The following HERPUD2 variants were observed in gnomAD, a reference collection of about 807,000 sequenced individuals.
The protein encoded by HERPUD2 is HERPUD family member 2, also known as homocysteine-responsive endoplasmic reticulum-resident ubiquitin-like domain member 2 protein.
Under a neutral mutation model 49.9 loss-of-function variants are expected in HERPUD2, and 13 were observed. The observed-to-expected ratio is 0.26, with a 90% confidence interval of 0.17 to 0.41. The LOEUF (loss-of-function observed/expected upper bound fraction) is 0.41. HERPUD2 is among the 10% of genes least tolerant of loss of function. HERPUD2 has a pLI of 1.00. For missense variants in HERPUD2, 449 were observed against 492.2 expected, an observed-to-expected ratio of 0.91 and a Z score of 0.83; for synonymous variants, 172 against 171.4, an observed-to-expected ratio of 1.00 and a Z score of -0.03.
chr7:35,636,268 T>C (rs919644402), intron 6 of HERPUD2, among the ~76,000 whole-genome samples: 1 of 152,236 alleles, frequency 6.6e-6, no homozygotes, highest in Non-Finnish European at 1.5e-5. Flanking sequence ...TTTTAAATTT[T>C]TCTACAATAA....
At chr7:35,668,047 G>C (rs868521467) in intron 4 of HERPUD2, among the ~76,000 whole-genome samples, 3 of 147,686 alleles carry the variant, frequency 2.0e-5, no homozygotes, top group African/African-American at 7.4e-5. Flanking sequence ...TTAACATATT[G>C]ATTTAAAGTA....
At chr7:35,668,577 G>A (rs1392019479) in intron 4 of HERPUD2, 1 of 154,528 alleles carries the variant, frequency 6.5e-6, no homozygotes, top group African/African-American at 2.4e-5. Flanking sequence ...ATGTCTTTTT[G>A]CATGACTCCC....
intron 5 of HERPUD2, among the ~76,000 whole-genome samples, chr7:35,655,325 C>T (rs765041786): frequency 1.3e-5 from 2 of 152,160 alleles, no homozygotes; most frequent in Non-Finnish European, 2.9e-5. Flanking sequence ...AAATCCTCAA[C>T]AAAATACAGC....
In HERPUD2 at chr7:35,644,610, A is replaced by C. The variant is rs142061293; in HGVS notation, c.495-6138T>G. On this transcript the variant is annotated intron_variant, in intron 5 of 8. Transcript: ENST00000311350. Reference sequence around the variant, plus strand: ...TGGTGAAACCCCATCTCTACTAAAAATACAAAAATTAGCCAGTGTGGAGAC... The same window carrying C: ...TGGTGAAACCCCATCTCTACTAAAACTACAAAAATTAGCCAGTGTGGAGAC... Among the ~76,000 whole-genome samples, 1,036 of 152,166 alleles carry C rather than the reference A, an allele frequency of 6.8e-3. 11 individuals are homozygous for C. Among genetic ancestry groups the C allele is most frequent in the African/African-American group, 0.024 (987 of 41,512 alleles).
chr7:35,690,527 A>G (rs1171745549), intron 2 of HERPUD2, among the ~76,000 whole-genome samples: 1 of 152,278 alleles, frequency 6.6e-6, no homozygotes, highest in Non-Finnish European at 1.5e-5. Flanking sequence ...AGAATAGTTA[A>G]GGCCGGGAGT....
intron 4 of HERPUD2, among the ~76,000 whole-genome samples, chr7:35,667,882 A>G (rs1417597391): frequency 6.6e-6 from 1 of 152,214 alleles, no homozygotes; most frequent in African/African-American, 2.4e-5. Flanking sequence ...AAGTTAATGC[A>G]TAAAAAGCTC....
Position 35,633,813 on chromosome 7 carries a change from T to A in HERPUD2, c.1098A>T (p.Gly366=), listed in dbSNP as rs1212403031. 1 of 1,613,870 alleles carries A rather than the reference T, an allele frequency of 6.2e-7. No individual in the cohort carries two copies. The highest frequency in any genetic ancestry group is 8.5e-7 in the Non-Finnish European group (1 of 1,179,972). ...LMDDGLEDES[G]EDGGEDASAI... ...CACTGGCATCTTCACCTCCATCTTC[T>A]CCACTCTCATCTTCAAGCCCATCAT... is the stretch of plus-strand genomic sequence containing the variant. Residue 366 remains glycine (G), a synonymous_variant, in exon 9 of 9, where the codon GGA becomes GGT. Coordinates refer to ENST00000311350, the MANE Select transcript of HERPUD2 (RefSeq NM_022373.5).
chr7:35,635,641 T>C (rs964035989), intron 6 of HERPUD2, among the ~76,000 whole-genome samples, 183 bp from the exon 7 acceptor site: 4 of 152,116 alleles, frequency 2.6e-5, no homozygotes, highest in African/African-American at 9.7e-5. Flanking sequence ...AGGTTGATGG[T>C]AGATGTCGCA....
chr7:35,641,937 T>C (rs1333878156), intron 5 of HERPUD2, among the ~76,000 whole-genome samples: 2 of 152,148 alleles, frequency 1.3e-5, no homozygotes, highest in African/African-American at 2.4e-5. Context: ...GCCAAAGCAA[T>C]TGCAACAAAA....
chr7:35,667,706 T>G, intron 4 of HERPUD2, 118 bp from the exon 5 acceptor site: 2 of 746,348 alleles, frequency 2.7e-6, no homozygotes, highest in Non-Finnish European at 4.3e-6. Flanking sequence ...TTTCAGAAAT[T>G]TACTGTTTTA....
intron 2 of HERPUD2, among the ~76,000 whole-genome samples, chr7:35,677,591 A>C (rs1785794020): frequency 6.6e-6 from 1 of 152,244 alleles, no homozygotes; most frequent in South Asian, 2.1e-4. Context: ...ACTTATAAAC[A>C]GTTTTGCACT....
Position 35,687,566 on chromosome 7 carries a change from C to T in HERPUD2, c.147+6618G>A, listed in dbSNP as rs544936462. On this transcript the variant is annotated intron_variant, in intron 2 of 8. Coordinates refer to ENST00000311350, the MANE Select transcript of HERPUD2 (RefSeq NM_022373.5). ...ATAAACAGCTGCTTAACTAGCTGGC[C>T]GAGAAAACCTCTGCTACCCACTTAA... Among the ~76,000 whole-genome samples the T allele has an allele frequency of 8.5e-5, 13 of 152,292 alleles. No individual in the cohort carries two copies. In the South Asian group the frequency reaches 2.5e-3, roughly 29 times the overall value.
intron 3 of HERPUD2, among the ~76,000 whole-genome samples, chr7:35,671,172 G>A (rs528171747): frequency 6.6e-6 from 1 of 152,230 alleles, no homozygotes; most frequent in South Asian, 2.1e-4. Context: ...TGCCTACCAT[G>A]AACCTATAAT....
At chr7:35,659,157 C>T (rs1324168885) in intron 5 of HERPUD2, among the ~76,000 whole-genome samples, 2 of 152,088 alleles carry the variant, frequency 1.3e-5, no homozygotes, top group African/African-American at 4.8e-5. Context: ...TGTTCAAGGT[C>T]ACTAAATTAC....
chr7:35,688,093 T>C (rs117939879), intron 2 of HERPUD2, among the ~76,000 whole-genome samples: 2,056 of 152,322 alleles, frequency 0.013, 23 homozygotes, highest in Non-Finnish European at 0.019. Context: ...GTAGTAACTA[T>C]TAAGTACTTA....
chr7:35,673,915 A>G (rs1171750526), intron 2 of HERPUD2, among the ~76,000 whole-genome samples: 1 of 152,180 alleles, frequency 6.6e-6, no homozygotes, highest in Non-Finnish European at 1.5e-5. Context: ...AAGTGCATGG[A>G]GAGTCAGTTG....
intron 2 of HERPUD2, among the ~76,000 whole-genome samples, chr7:35,690,314 A>C (rs1444823901): frequency 6.6e-6 from 1 of 152,238 alleles, no homozygotes; most frequent in African/African-American, 2.4e-5. Context: ...GTTAACTCCA[A>C]AACAGCTCAA....
chr7:35,692,450 C>A (rs1328997077), intron 2 of HERPUD2, among the ~76,000 whole-genome samples: 1 of 152,226 alleles, frequency 6.6e-6, no homozygotes, highest in Non-Finnish European at 1.5e-5. Flanking sequence ...AAGTCTATGA[C>A]TTTCAATTGA....
At chr7:35,676,856 C>T (rs1487489651) in intron 2 of HERPUD2, among the ~76,000 whole-genome samples, 3 of 152,116 alleles carry the variant, frequency 2.0e-5, no homozygotes, top group Non-Finnish European at 4.4e-5. Context: ...TTAACAATAA[C>T]AAGATTGTTA....
Sources: allele counts gnomAD v4.1 joint callset (sites outside exome capture counted in the v4.1 genomes callset), GRCh38; gene constraint gnomAD v4.1.1; transcripts MANE v1.5; gene names NCBI Gene and HGNC (gene_info 2026-07-23, HGNC 2026-07-21).